MGA: variants seen among roughly 807,000 people sequenced by gnomAD.
MGA encodes MAX gene-associated protein.
In MGA, 40 loss-of-function variants were observed where a neutral mutation model predicts 261.1. The ratio of observed to expected loss-of-function variants is 0.15; its 90% CI spans 0.12 to 0.20. The LOEUF (loss-of-function observed/expected upper bound fraction) is 0.20, where lower values mean the gene tolerates loss of function less well. Among genes scored for constraint, MGA ranks in the 10% least tolerant of loss-of-function variants. The pLI, the probability that MGA is intolerant of heterozygous loss-of-function variation, is 1.00. For synonymous variants in MGA, 1,302 were observed against 1,290.6 expected, an observed-to-expected ratio of 1.01 and a Z score of -0.19; for missense variants, 3,397 against 3,630.5, an observed-to-expected ratio of 0.94 and a Z score of 1.65.
In MGA at chr15:41,769,600, G is replaced by A. The variant is rs186564019; in HGVS notation, c.*2320G>A. Reference sequence around the variant, plus strand: ...CCTACCCTTTAACCTTACCCTAGGGGGAACTGATCTATGAATATTACATGT... The same window carrying A: ...CCTACCCTTTAACCTTACCCTAGGGAGAACTGATCTATGAATATTACATGT... On this transcript the variant is annotated 3_prime_UTR_variant, in exon 24 of 24. Coordinates refer to ENST00000219905, the MANE Select transcript of MGA (RefSeq NM_001164273.2). 22 of 152,566 alleles carry A rather than the reference G, an allele frequency of 1.4e-4. No individual in the cohort carries two copies. Among genetic ancestry groups the A allele is most frequent in the African/African-American group, 5.3e-4 (22 of 41,502 alleles). The allele number at this position is 152,566 out of a possible 1,614,324, so 9.5% of individuals were successfully genotyped here.
chr15:41,767,501 G>A lies in MGA; in HGVS notation c.*221G>A. 1.8e-6 allele frequency: 1 copy of A among 569,676 alleles called. No homozygotes were observed. The highest frequency in any genetic ancestry group is 3.1e-5 in the Admixed American group (1 of 32,218). The allele number at this position is 569,676 out of a possible 1,614,324, so 35.3% of individuals were successfully genotyped here. On this transcript the variant is annotated 3_prime_UTR_variant, in exon 24 of 24. Transcript: ENST00000219905. ...TGTGTTACCTCACTTGTGGTGCTGGGTCCCCTCATCCTCTCTAAGAAGATG... is the reference window on the plus strand; with the variant it reads ...TGTGTTACCTCACTTGTGGTGCTGGATCCCCTCATCCTCTCTAAGAAGATG...
rs71108121 is a variant in MGA at position 41,703,368 on chromosome 15, ACC to A, written c.2188+4219_2188+4220del. ...TTGTCAGTTTATTCATTGTGAAGTT[ACC>A]CCCCCCCCCACTCCCCACCCTCCCT... On this transcript the variant is annotated intron_variant, in intron 5 of 23. Transcript: ENST00000219905. Among the ~76,000 whole-genome samples, 236 of 93,288 alleles carry A rather than the reference ACC, an allele frequency of 2.5e-3. 15 individuals carry two copies. The highest frequency in any genetic ancestry group is 6.8e-3 in the Middle Eastern group (1 of 148). 61.2% of individuals were successfully genotyped at this position (93,288 alleles called of 152,430 possible).
chr15:41,723,443 T>C (rs1237615530), intron 9 of MGA, among the ~76,000 whole-genome samples: 1 of 152,130 alleles, frequency 6.6e-6, no homozygotes, highest in African/African-American at 2.4e-5. Context: ...AGAGAGAGGG[T>C]CTTGCTCTGT....
At chr15:41,666,172 G>A (rs527410377) in intron 1 of MGA, among the ~76,000 whole-genome samples, 5 of 147,492 alleles carry the variant, frequency 3.4e-5, no homozygotes, top group East Asian at 1.9e-4. Context: ...TGGAATTACC[G>A]GTGTGAGCCA....
At chr15:41,721,148 A>T (rs1279655907) in intron 9 of MGA, among the ~76,000 whole-genome samples, 2 of 152,182 alleles carry the variant, frequency 1.3e-5, no homozygotes, top group East Asian at 3.8e-4. Flanking sequence ...TAGGGAAAAG[A>T]TCAAGCCATT....
intron 13 of MGA, among the ~76,000 whole-genome samples, chr15:41,737,399 C>A (rs889568006): frequency 6.6e-6 from 1 of 151,656 alleles, no homozygotes; most frequent in African/African-American, 2.4e-5. Context: ...AGGTGATCCA[C>A]CCACCTTGGC....
intron 1 of MGA, among the ~76,000 whole-genome samples, chr15:41,622,223 C>T (rs1451584587): frequency 6.6e-6 from 1 of 152,116 alleles, no homozygotes; most frequent in Non-Finnish European, 1.5e-5. Context: ...GGCCTGGGGT[C>T]CAGGCCTTTG....
intron 1 of MGA, among the ~76,000 whole-genome samples, chr15:41,662,110 T>C (rs1359951877): frequency 6.6e-6 from 1 of 152,128 alleles, no homozygotes; most frequent in South Asian, 2.1e-4. Context: ...ACAGCGCTAG[T>C]GTTTCTTGCC....
rs761102286 is a variant in MGA at position 41,742,596 on chromosome 15, G to A, written c.4636G>A (p.Val1546Ile). ...GTTCACACAGTTTGTGATGAGTAAA[G>A]TTGGAGCCTTGCAGCAGAAGATACC... Residue 1546 changes from valine (V) to isoleucine (I), a missense_variant, in exon 15 of 24, where the codon GTT becomes ATT. By Grantham distance (29) the Val-to-Ile change is conservative. Coordinates refer to ENST00000219905, the MANE Select transcript of MGA (RefSeq NM_001164273.2). The A allele has an allele frequency of 9.9e-6, 16 of 1,613,948 alleles. No homozygotes were observed. In the East Asian group the frequency reaches 3.6e-4, roughly 36 times the overall value.
chr15:41,638,282 A>C (rs1329046504), intron 1 of MGA, among the ~76,000 whole-genome samples: 1 of 151,314 alleles, frequency 6.6e-6, no homozygotes, highest in African/African-American at 2.4e-5. Context: ...ACTTCAGGTG[A>C]TCCGCCTGTC....
chr15:41,752,952 T>C (rs1015274678), intron 17 of MGA, among the ~76,000 whole-genome samples: 9 of 152,194 alleles, frequency 5.9e-5, no homozygotes, highest in Admixed American at 3.9e-4. Context: ...TTTTTAAAGG[T>C]CATATTAAGT....
chr15:41,629,841 T>G (rs2056549755), intron 1 of MGA, among the ~76,000 whole-genome samples: 1 of 152,204 alleles, frequency 6.6e-6, no homozygotes, highest in African/African-American at 2.4e-5. Context: ...TGGAATAGAT[T>G]GTAATATATA....
intron 1 of MGA, among the ~76,000 whole-genome samples, chr15:41,664,532 G>A (rs1434875849): frequency 3.9e-5 from 6 of 152,108 alleles, no homozygotes; most frequent in Non-Finnish European, 7.4e-5. Context: ...TTATAGGTTT[G>A]GGATAACTAG....
Position 41,766,173 on chromosome 15 carries a change from T to C in MGA, c.8091T>C (p.Asp2697=), listed in dbSNP as rs370392198. 1.9e-6 allele frequency: 3 copies of C among 1,613,886 alleles called. No individual in the cohort carries two copies. Among genetic ancestry groups the C allele is most frequent in the African/African-American group, 2.7e-5 (2 of 74,928 alleles). Residue 2697 remains aspartate, a synonymous_variant, in exon 24 of 24, where the codon GAT becomes GAC. Coordinates refer to ENST00000219905, the MANE Select transcript of MGA (RefSeq NM_001164273.2). ...GGAATGAAGATAATTCCTTAGAGGA[T>C]AAGGGTAGAATCTCTTCCAGAGGAA... is the stretch of plus-strand genomic sequence containing the variant.
chr15:41,743,094 A>G lies in MGA; in HGVS notation c.5134A>G (p.Thr1712Ala). ...AGCTGCATCTTCCTCCATGGTGACCACACCAACTTCATCTCTGGGCTCTGT... is the reference window on the plus strand; with the variant it reads ...AGCTGCATCTTCCTCCATGGTGACCGCACCAACTTCATCTCTGGGCTCTGT... The change falls in exon 15 of 24, where the codon ACA becomes GCA. Residue 1712 changes from threonine (T) to alanine (A), a missense_variant. Around this residue, in one of 9 missense-constraint regions of MGA, gnomAD observed 1,410 missense variants for 1,386.4 expected, o/e 1.02. Transcript: ENST00000219905. 1 of 1,613,940 alleles carries G rather than the reference A, an allele frequency of 6.2e-7. No individual in the cohort carries two copies. Among genetic ancestry groups the G allele is most frequent in the Non-Finnish European group, 8.5e-7 (1 of 1,179,854 alleles).
Position 41,760,496 on chromosome 15 carries a change from T to A in MGA, c.7365T>A (p.Ser2455=), listed in dbSNP as rs777216375. Residue 2455 remains serine (S), a synonymous_variant, in exon 20 of 24, where the codon TCT becomes TCA. Transcript: ENST00000219905. Reference sequence around the variant, plus strand: ...AGATCACATTGGGATTACTTCATTCTTCCAAGGTTTCCAAAAGTCTCATTC... The same window carrying A: ...AGATCACATTGGGATTACTTCATTCATCCAAGGTTTCCAAAAGTCTCATTC... 2 of 1,613,920 alleles carry A rather than the reference T, an allele frequency of 1.2e-6. No individual in the cohort carries two copies. Among genetic ancestry groups the A allele is most frequent in the Non-Finnish European group, 1.7e-6 (2 of 1,179,898 alleles).
intron 9 of MGA, among the ~76,000 whole-genome samples, chr15:41,725,834 CAA>C (rs1204528358): frequency 0.024 from 217 of 9,026 alleles, 41 homozygotes; most frequent in South Asian, 0.23. Flanking sequence ...GACTCCGTCT[CAA>C]AAAAAAAAAA....
chr15:41,664,794 T>C (rs1335123789), intron 1 of MGA, among the ~76,000 whole-genome samples: 6 of 152,258 alleles, frequency 3.9e-5, no homozygotes, highest in Non-Finnish European at 7.3e-5. Context: ...TTTTACCTTA[T>C]TTGTGACTTC....
chr15:41,730,846 C>T (rs757574980), intron 11 of MGA, among the ~76,000 whole-genome samples: 1 of 152,170 alleles, frequency 6.6e-6, no homozygotes, highest in Non-Finnish European at 1.5e-5. Flanking sequence ...TGCAGCAATT[C>T]GAGCATTAAG....
Sources: allele counts gnomAD v4.1 joint callset (sites outside exome capture counted in the v4.1 genomes callset), GRCh38; gene constraint gnomAD v4.1.1; regional missense constraint gnomAD v4.1.1; transcripts MANE v1.5; gene names NCBI Gene and HGNC (gene_info 2026-07-23, HGNC 2026-07-21).